MCTP1: variants seen among roughly 807,000 people sequenced by gnomAD.
MCTP1 encodes the protein multiple C2 and transmembrane domain-containing protein 1.
Under a neutral mutation model 120.6 loss-of-function variants are expected in MCTP1, and 69 were observed. The ratio of observed to expected loss-of-function variants is 0.57; its 90% confidence interval spans 0.47 to 0.70. The LOEUF is 0.70. Ranked by LOEUF, MCTP1 falls within the 30% of genes least tolerant of loss-of-function variation. MCTP1 has a pLI of 0.00. For synonymous variants in MCTP1, 529 were observed against 493.1 expected, an observed-to-expected ratio of 1.07 and a Z score of -0.96; for missense variants, 1,203 against 1,248.8, an observed-to-expected ratio of 0.96 and a Z score of 0.55.
chr5:94,941,126 T>C (rs1047752180), intron 4 of MCTP1, among the ~76,000 whole-genome samples: 3 of 152,072 alleles, frequency 2.0e-5, no homozygotes, highest in African/African-American at 4.8e-5. Context: ...TTATCTTTCA[T>C]AGGAAACAAG....
At chr5:95,231,822 C>A (rs1324519947) in intron 1 of MCTP1, among the ~76,000 whole-genome samples, 1 of 151,902 alleles carries the variant, frequency 6.6e-6, no homozygotes, top group South Asian at 2.1e-4. Context: ...TTATAAATGT[C>A]AAGAAGGGAA....
Position 94,947,573 on chromosome 5 carries a change from TATATAGAGAGAGAGAGAGAG to T in MCTP1, c.982-5166_982-5147del, listed in dbSNP as rs1166623752. On this transcript the variant is annotated intron_variant, in intron 3 of 22. Transcript: ENST00000515393. ...TTTACTAAATATATATATATATATA[TATATAGAGAGAGAGAGAGAG>T]AGAGAGAGAGAGAGAGAGAGAGAGA... Among the ~76,000 whole-genome samples, 332 of 47,018 alleles carry T rather than the reference TATATAGAGAGAGAGAGAGAG, an allele frequency of 7.1e-3. 3 individuals carry two copies. Among genetic ancestry groups the T allele is most frequent in the Middle Eastern group, 0.037 (4 of 108 alleles). 30.8% of individuals were successfully genotyped at this position (47,018 alleles called of 152,430 possible).
chr5:95,001,795 G>T (rs1324376142), intron 2 of MCTP1, among the ~76,000 whole-genome samples: 1 of 152,158 alleles, frequency 6.6e-6, no homozygotes, highest in Non-Finnish European at 1.5e-5. Context: ...TTTTTGGGGG[G>T]AGAAATTCAA....
chr5:95,040,811 C>G (rs1842217276), intron 1 of MCTP1, among the ~76,000 whole-genome samples: 2 of 152,102 alleles, frequency 1.3e-5, no homozygotes, highest in African/African-American at 4.8e-5. Flanking sequence ...AATCTTGGGA[C>G]TTGGTTGAGA....
intron 1 of MCTP1, among the ~76,000 whole-genome samples, chr5:95,034,442 T>C (rs1253060025): frequency 5.3e-5 from 8 of 151,932 alleles, no homozygotes; most frequent in Non-Finnish European, 1.2e-4. Flanking sequence ...CAACTGATCT[T>C]CAAAAAATTC....
intron 1 of MCTP1, among the ~76,000 whole-genome samples, chr5:95,165,157 GA>G (rs1409813275): frequency 2.6e-5 from 4 of 152,126 alleles, no homozygotes; most frequent in Middle Eastern, 3.2e-3. Flanking sequence ...TCTAAATAAT[GA>G]AAAAGATGAA....
intron 2 of MCTP1, chr5:94,979,326 G>A (rs534880582): frequency 3.2e-4 from 48 of 152,104 alleles, no homozygotes; most frequent in African/African-American, 1.1e-3. Flanking sequence ...TAGTTCCGAG[G>A]GCTACAAGGA....
At chr5:94,751,347 T>C (rs1038428220) in intron 19 of MCTP1, among the ~76,000 whole-genome samples, 1 of 151,624 alleles carries the variant, frequency 6.6e-6, no homozygotes, top group African/African-American at 2.4e-5. Flanking sequence ...CACAGTTTAA[T>C]TTCCTTCTAC....
chr5:95,171,975 G>A (rs992928656), intron 1 of MCTP1, among the ~76,000 whole-genome samples: 6 of 152,180 alleles, frequency 3.9e-5, no homozygotes, highest in Non-Finnish European at 7.3e-5. Context: ...TTTAAAGGGG[G>A]AGAGGTGCTT....
intron 1 of MCTP1, among the ~76,000 whole-genome samples, chr5:95,076,212 C>G (rs1209118946): frequency 6.6e-6 from 1 of 152,086 alleles, no homozygotes; most frequent in Non-Finnish European, 1.5e-5. Flanking sequence ...GCCTCTCTCT[C>G]TGTCTCTCAA....
At position 94,728,521 on chromosome 5, in the gene MCTP1, T is replaced by G. The variant is rs75057937; in HGVS notation, c.2611-13635A>C. On this transcript the variant is annotated intron_variant, in intron 19 of 22. Transcript: ENST00000515393. ...CTGTCCTAATCAAGCCGAGGGATGT[T>G]GTAGGCTTAAATCCTGTTGTGCATT... Among the ~76,000 whole-genome samples the G allele has an allele frequency of 3.7e-3, 560 of 152,304 alleles. 3 individuals carry two copies. The highest frequency in any genetic ancestry group is 0.013 in the African/African-American group (540 of 41,556).
intron 1 of MCTP1, among the ~76,000 whole-genome samples, chr5:95,260,544 C>G (rs911754275): frequency 1.3e-5 from 2 of 151,830 alleles, no homozygotes; most frequent in South Asian, 2.1e-4. Flanking sequence ...GATTCCTGGT[C>G]TGATGGTGAA....
intron 2 of MCTP1, among the ~76,000 whole-genome samples, chr5:94,986,128 A>T (rs1475947039): frequency 6.6e-6 from 1 of 152,198 alleles, no homozygotes; most frequent in Admixed American, 6.5e-5. Context: ...TTTGAAAAGC[A>T]TTGTTTCCCA....
intron 1 of MCTP1, among the ~76,000 whole-genome samples, chr5:95,270,431 T>C (rs1759276392): frequency 6.6e-6 from 1 of 152,234 alleles, no homozygotes; most frequent in Non-Finnish European, 1.5e-5. Context: ...TAGTGCCTTA[T>C]ACATAATAAA....
chr5:94,820,307 ACT>A (rs1329749624), intron 17 of MCTP1, among the ~76,000 whole-genome samples: 15 of 152,176 alleles, frequency 9.9e-5, no homozygotes, highest in African/African-American at 3.4e-4. Context: ...ACAGTTAACC[ACT>A]CTGAACAGGA....
intron 2 of MCTP1, among the ~76,000 whole-genome samples, chr5:94,971,530 A>G (rs1455170147): frequency 6.6e-6 from 1 of 152,176 alleles, no homozygotes; most frequent in Non-Finnish European, 1.5e-5. Context: ...CAATAATCAG[A>G]CAGACATTTC....
At chr5:95,032,028 A>C (rs527790043) in intron 1 of MCTP1, among the ~76,000 whole-genome samples, 1 of 152,308 alleles carries the variant, frequency 6.6e-6, no homozygotes, top group South Asian at 2.1e-4. Context: ...GATTCCTCCA[A>C]CAAGAAGACT....
intron 19 of MCTP1, among the ~76,000 whole-genome samples, chr5:94,777,907 G>A (rs1035229769): frequency 2.5e-4 from 36 of 144,962 alleles, no homozygotes; most frequent in Non-Finnish European, 4.6e-4. Flanking sequence ...TTGAAATAGC[G>A]TTAGAAGGGA....
At chr5:94,975,534 T>C (rs1827906049) in intron 2 of MCTP1, among the ~76,000 whole-genome samples, 2 of 151,928 alleles carry the variant, frequency 1.3e-5, no homozygotes, top group African/African-American at 2.4e-5. Flanking sequence ...GCTTTAGAAC[T>C]GTGAGAAATA....
Sources: gnomAD v4.1 joint callset for allele counts (sites outside exome capture counted in the v4.1 genomes callset) on GRCh38, gnomAD v4.1.1 for gene constraint, MANE v1.5 for transcripts, NCBI Gene and HGNC (gene_info 2026-07-23, HGNC 2026-07-21) for gene names.